STARD13: variants seen among roughly 807,000 people sequenced by gnomAD.
STARD13 encodes the protein StAR related lipid transfer domain containing 13, also known as stAR-related lipid transfer protein 13.
In STARD13, 62 loss-of-function variants were observed where a neutral mutation model predicts 106.4. That is an observed-to-expected ratio of 0.58 (90% confidence interval 0.48 to 0.72). STARD13 has a LOEUF of 0.72. STARD13 is among the 30% of genes least tolerant of loss of function. The pLI is 0.00. For missense variants in STARD13, 1,387 were observed against 1,424.0 expected, an observed-to-expected ratio of 0.97 and a Z score of 0.42; for synonymous variants, 565 against 553.0, an observed-to-expected ratio of 1.02 and a Z score of -0.31.
intron 1 of STARD13, among the ~76,000 whole-genome samples, chr13:33,214,692 G>GCACACACACACA (rs1440199937): frequency 1.9e-4 from 20 of 103,234 alleles, no homozygotes; most frequent in African/African-American, 8.8e-4. Context: ...ACACACACAT[G>GCACACACACACA]CACACATACA....
At chr13:33,256,047 A>C (rs1322128244) in intron 1 of STARD13, among the ~76,000 whole-genome samples, 1 of 152,282 alleles carries the variant, frequency 6.6e-6, no homozygotes, top group Non-Finnish European at 1.5e-5. Context: ...AAATGTGTTC[A>C]TTAATGAAGC....
intron 1 of STARD13, among the ~76,000 whole-genome samples, chr13:33,213,696 C>G (rs1887860036): frequency 6.6e-6 from 1 of 152,200 alleles, no homozygotes; most frequent in Non-Finnish European, 1.5e-5. Context: ...TTGGATTTGC[C>G]TCTTGCAACT....
At chr13:33,356,608 T>C in the STARD13 span, among the ~76,000 whole-genome samples, 1 of 152,246 alleles carries the variant, frequency 6.6e-6, no homozygotes, top group African/African-American at 2.4e-5. Context: ...ATTATAATAA[T>C]GCTTCCCTCA....
chr13:33,127,663 G>A (rs774013580), intron 5 of STARD13, 117 bp from the exon 6 acceptor site: 12 of 1,035,040 alleles, frequency 1.2e-5, no homozygotes, highest in South Asian at 1.8e-5. Flanking sequence ...AAAGAAAATC[G>A]CAAAGCAAAT....
rs558658411 is a variant in STARD13 at position 33,119,688 on chromosome 13, T to G, written c.2083-1425A>C. The stretch of plus-strand genomic sequence containing the variant: ...ATAAAAACAGAATTCTTAGTAATAT[T>G]TCTTTGCATTCCAAGGTTTATCGCT... On this transcript the variant is annotated intron_variant, in intron 7 of 13. Transcript: ENST00000336934. Among the ~76,000 whole-genome samples, 3 of 152,354 alleles carry G rather than the reference T, an allele frequency of 2.0e-5. No homozygotes were observed. In the South Asian group the frequency reaches 6.2e-4, roughly 32 times the overall value.
the STARD13 span, among the ~76,000 whole-genome samples, chr13:33,480,393 A>G: frequency 1.2e-3 from 176 of 152,350 alleles, no homozygotes; most frequent in African/African-American, 3.9e-3. Context: ...ATATAACCAT[A>G]CAGAGAAGAA....
At chr13:33,565,899 T>C in the STARD13 span, among the ~76,000 whole-genome samples, 1 of 148,626 alleles carries the variant, frequency 6.7e-6, no homozygotes, top group Admixed American at 6.9e-5. Flanking sequence ...TTAATTACTT[T>C]CTCCTTTATG....
At chr13:33,635,327 A>G in the STARD13 span, among the ~76,000 whole-genome samples, 1 of 152,188 alleles carries the variant, frequency 6.6e-6, no homozygotes, top group Non-Finnish European at 1.5e-5. Context: ...AATGGAAACT[A>G]AATACCTACC....
At chr13:33,180,272 A>T (rs1245835424) in intron 1 of STARD13, 1 of 152,228 alleles carries the variant, frequency 6.6e-6, no homozygotes, top group African/African-American at 2.4e-5. Flanking sequence ...AGAGGCTGTT[A>T]CTTTTAGGAT....
intron 1 of STARD13, among the ~76,000 whole-genome samples, chr13:33,325,034 T>C (rs894114188): frequency 2.6e-5 from 4 of 152,000 alleles, no homozygotes; most frequent in African/African-American, 7.3e-5. Flanking sequence ...ATATGCTATA[T>C]TGTGCATGTG....
the STARD13 span, among the ~76,000 whole-genome samples, chr13:33,418,625 A>T: frequency 5.3e-5 from 8 of 152,372 alleles, no homozygotes; most frequent in Admixed American, 3.3e-4. Context: ...GAGAATGGAC[A>T]GACTGCCTCC....
At chr13:33,556,428 G>A in the STARD13 span, among the ~76,000 whole-genome samples, 3 of 151,972 alleles carry the variant, frequency 2.0e-5, no homozygotes, top group East Asian at 1.9e-4. Flanking sequence ...CCGCAGGGGC[G>A]CCACCTTTCC....
chr13:33,558,201 C>T, the STARD13 span, among the ~76,000 whole-genome samples: 1 of 152,282 alleles, frequency 6.6e-6, no homozygotes, highest in East Asian at 1.9e-4. Context: ...CTTTCCATCA[C>T]TTGCTTGTTC....
At chr13:33,431,238 AT>A in the STARD13 span, among the ~76,000 whole-genome samples, 2 of 152,290 alleles carry the variant, frequency 1.3e-5, no homozygotes, top group South Asian at 4.1e-4. Context: ...TAATAAAAAA[AT>A]GTGGCAAGTC....
upstream of STARD13, among the ~76,000 whole-genome samples, chr13:33,287,077 A>G (rs80155000): frequency 0.022 from 3,367 of 152,336 alleles, 141 homozygotes; most frequent in East Asian, 0.19. Flanking sequence ...CAAAAAGTAT[A>G]TGACCAAGTT....
chr13:33,167,786 C>T (rs1046580016), intron 1 of STARD13, among the ~76,000 whole-genome samples, 164 bp from the exon 2 acceptor site: 1 of 152,020 alleles, frequency 6.6e-6, no homozygotes, highest in Non-Finnish European at 1.5e-5. Flanking sequence ...GGGTGGAAAA[C>T]GAGCGGGTAA....
At chr13:33,613,642 G>A in the STARD13 span, among the ~76,000 whole-genome samples, 2 of 152,218 alleles carry the variant, frequency 1.3e-5, no homozygotes, top group Admixed American at 6.5e-5. Flanking sequence ...GAAGCTTGAG[G>A]GCTGGTCTGG....
chr13:33,431,990 C>T, the STARD13 span, among the ~76,000 whole-genome samples: 5 of 152,112 alleles, frequency 3.3e-5, no homozygotes, highest in South Asian at 2.1e-4. Context: ...TGATCCGGCC[C>T]GGTGAACCTG....
At chr13:33,450,764 CT>C in the STARD13 span, among the ~76,000 whole-genome samples, 2 of 152,066 alleles carry the variant, frequency 1.3e-5, no homozygotes, top group Non-Finnish European at 2.9e-5. Flanking sequence ...GAAGAATATG[CT>C]CATTGGGAAA....
Sources: gnomAD v4.1 joint callset for allele counts (sites outside exome capture counted in the v4.1 genomes callset) on GRCh38, gnomAD v4.1.1 for gene constraint, MANE v1.5 for transcripts, NCBI Gene and HGNC (gene_info 2026-07-23, HGNC 2026-07-21) for gene names.